GPHN: variants seen among roughly 807,000 people sequenced by gnomAD.
GPHN encodes gephyrin.
Under a neutral mutation model 95.5 loss-of-function variants are expected in GPHN, and 17 were observed. The ratio of observed to expected loss-of-function variants is 0.18; its 90% confidence interval spans 0.12 to 0.27. GPHN has a LOEUF of 0.27. Among genes scored for constraint, GPHN ranks in the 10% least tolerant of loss-of-function variants. The pLI, the probability that GPHN is intolerant of heterozygous loss-of-function variation, is 1.00. For missense variants in GPHN, 660 were observed against 978.1 expected (o/e 0.67, Z 4.34); for synonymous variants, 320 against 322.5 (o/e 0.99, Z 0.08).
chr14:67,270,416 G>C, the GPHN span: 6 of 152,018 alleles, frequency 3.9e-5, no homozygotes, highest in Non-Finnish European at 8.8e-5. Context: ...GTAGTCCTTT[G>C]AAGCTTTCTT....
chr14:66,866,555 A>G (rs28444104), intron 4 of GPHN, among the ~76,000 whole-genome samples: 48,761 of 152,058 alleles, frequency 0.32, 12,601 homozygotes, highest in African/African-American at 0.7. Context: ...GAAAAATAAT[A>G]TGTAAAGAGA....
chr14:67,329,703 A>C, the GPHN span, among the ~76,000 whole-genome samples: 1 of 152,156 alleles, frequency 6.6e-6, no homozygotes, highest in African/African-American at 2.4e-5. Flanking sequence ...ACATAGTGAA[A>C]TCCTGTCTCT....
In GPHN at chr14:67,143,355, T is replaced by C. The variant is rs773611220; in HGVS notation, c.1749-7T>C. On this transcript the variant is annotated splice_region_variant and splice_polypyrimidine_tract_variant and intron_variant, in intron 17 of 22. Coordinates refer to ENST00000478722, the MANE Select transcript of GPHN (RefSeq NM_020806.5). Reference sequence around the variant, plus strand: ...GTGTTAATTTCTTTGTCTTTATTTTTTTCCAGCCCAGATGACTTACTCAAT... The same window carrying C: ...GTGTTAATTTCTTTGTCTTTATTTTCTTCCAGCCCAGATGACTTACTCAAT... 5 of 1,589,466 alleles carry C rather than the reference T, an allele frequency of 3.1e-6. No homozygotes were observed. The highest frequency in any genetic ancestry group is 3.5e-6 in the Non-Finnish European group (4 of 1,157,752).
At chr14:66,535,427 T>A (rs182852815) in intron 1 of GPHN, among the ~76,000 whole-genome samples, 5 of 151,362 alleles carry the variant, frequency 3.3e-5, no homozygotes, top group Non-Finnish European at 5.9e-5. Flanking sequence ...TTCTTCAACA[T>A]TTTTTTTTGT....
At chr14:66,995,767 C>G (rs1425568941) in intron 9 of GPHN, among the ~76,000 whole-genome samples, 3 of 152,142 alleles carry the variant, frequency 2.0e-5, no homozygotes, top group Non-Finnish European at 4.4e-5. Flanking sequence ...CTTTGGTGCC[C>G]TCTTTAATGA....
intron 17 of GPHN, among the ~76,000 whole-genome samples, chr14:67,137,127 G>T (rs1414897581): frequency 2.0e-5 from 3 of 151,482 alleles, no homozygotes; most frequent in African/African-American, 7.3e-5. Flanking sequence ...ATGCACTCCA[G>T]CCTGGGTGAC....
intron 1 of GPHN, among the ~76,000 whole-genome samples, chr14:66,528,483 G>A (rs1454222730): frequency 1.3e-5 from 2 of 152,140 alleles, no homozygotes; most frequent in African/African-American, 4.8e-5. Context: ...ATATTGTTAT[G>A]TGTGAATCTG....
the GPHN span, among the ~76,000 whole-genome samples, chr14:67,619,103 C>G: frequency 6.6e-6 from 1 of 152,264 alleles, no homozygotes; most frequent in Admixed American, 6.5e-5. Flanking sequence ...CTTTTCTTCG[C>G]TTTAAAAAGT....
At chr14:67,557,092 CCTT>C in the GPHN span, among the ~76,000 whole-genome samples, 1 of 152,200 alleles carries the variant, frequency 6.6e-6, no homozygotes, top group Non-Finnish European at 1.5e-5. Flanking sequence ...CTTTGTCAGT[CCTT>C]CTTTTGCTCA....
the GPHN span, among the ~76,000 whole-genome samples, chr14:67,733,571 A>G: frequency 1.3e-5 from 2 of 152,360 alleles, no homozygotes; most frequent in African/African-American, 4.8e-5. Flanking sequence ...GTGTATTACT[A>G]TATCACAAAT....
At chr14:66,597,328 T>G (rs1304312147) in intron 1 of GPHN, among the ~76,000 whole-genome samples, 1 of 152,214 alleles carries the variant, frequency 6.6e-6, no homozygotes, top group East Asian at 1.9e-4. Context: ...CTTTTGTCTC[T>G]TCTGAGCCGT....
At chr14:66,847,955 A>G (rs1567015324) in intron 4 of GPHN, among the ~76,000 whole-genome samples, 1 of 152,000 alleles carries the variant, frequency 6.6e-6, no homozygotes, top group Non-Finnish European at 1.5e-5. Context: ...TCACTGGGGG[A>G]AAGTAAATTG....
At chr14:66,781,173 A>G (rs982769139) in intron 3 of GPHN, among the ~76,000 whole-genome samples, 2 of 151,846 alleles carry the variant, frequency 1.3e-5, no homozygotes, top group African/African-American at 2.4e-5. Flanking sequence ...TCCTGGCCCA[A>G]TCAGAAGTCC....
chr14:67,237,004 C>T, the GPHN span, among the ~76,000 whole-genome samples: 52 of 152,026 alleles, frequency 3.4e-4, no homozygotes, highest in African/African-American at 1.2e-3. Flanking sequence ...GCAGGAAAAC[C>T]GCTTGAACCC....
the GPHN span, chr14:67,333,638 C>CTACT: frequency 1.3e-5 from 2 of 152,594 alleles, no homozygotes; most frequent in African/African-American, 2.4e-5. Flanking sequence ...ACACTCTAAT[C>CTACT]TACTTAAAGG....
At chr14:66,996,026 G>C in intron 9 of GPHN, 1 of 547,516 alleles carries the variant, frequency 1.8e-6, no homozygotes, top group Non-Finnish European at 3.3e-6. Flanking sequence ...CTTGAGTCTT[G>C]ACATGTTTTC....
the GPHN span, among the ~76,000 whole-genome samples, chr14:67,368,282 T>A: frequency 6.6e-6 from 1 of 152,198 alleles, no homozygotes; most frequent in African/African-American, 2.4e-5. Context: ...GCTTGTCTAA[T>A]ACCTGGCCCT....
rs150757613 is a variant in GPHN at position 66,602,527 on chromosome 14, A to G, written c.65-78580A>G. On this transcript the variant is annotated intron_variant, in intron 1 of 22. Transcript: ENST00000478722. The stretch of plus-strand genomic sequence containing the variant: ...AGTGCTTTGACACATATAACTTGAA[A>G]TGTGAATACGAATTTTGTTTTTTCA... 1.6e-4 allele frequency among the ~76,000 whole-genome samples: 24 copies of G among 152,150 alleles called. No homozygotes were observed. The East Asian group carries it at 3.1e-3, about 20-fold the overall frequency.
chr14:66,840,721 A>G (rs2062038774), intron 4 of GPHN, among the ~76,000 whole-genome samples: 1 of 144,136 alleles, frequency 6.9e-6, no homozygotes, highest in African/African-American at 2.7e-5. Context: ...GATCACTTAT[A>G]GAGTGCAGGC....
Sources: allele counts gnomAD v4.1 joint callset (sites outside exome capture counted in the v4.1 genomes callset), GRCh38; gene constraint gnomAD v4.1.1; transcripts MANE v1.5; gene names NCBI Gene and HGNC (gene_info 2026-07-23, HGNC 2026-07-21).